ATP10B: variants seen among roughly 807,000 people sequenced by gnomAD.
ATP10B encodes the protein phospholipid-transporting ATPase VB.
A neutral mutation model predicts 141.2 loss-of-function variants in ATP10B; 122 were observed. The ratio of observed to expected loss-of-function variants is 0.86; its 90% CI spans 0.75 to 1.00. The LOEUF (loss-of-function observed/expected upper bound fraction) is 1.00. Ranked by LOEUF, ATP10B falls within the 50% of genes least tolerant of loss-of-function variation. The pLI is 0.00. For synonymous variants in ATP10B, 685 were observed against 692.0 expected (o/e 0.99, Z 0.16); for missense variants, 1,876 against 1,825.3 (o/e 1.03, Z -0.51).
At chr5:160,752,440 T>A (rs1408441997) in intron 2 of ATP10B, among the ~76,000 whole-genome samples, 1 of 152,154 alleles carries the variant, frequency 6.6e-6, no homozygotes, top group Non-Finnish European at 1.5e-5. Flanking sequence ...CTCTCAAAGA[T>A]TTGCCTTTCA....
At chr5:160,693,683 G>A (rs962852695) in intron 3 of ATP10B, among the ~76,000 whole-genome samples, 1 of 152,158 alleles carries the variant, frequency 6.6e-6, no homozygotes, top group Non-Finnish European at 1.5e-5. Flanking sequence ...ATGGACAGTG[G>A]TTGGGGGATA....
intron 24 of ATP10B, among the ~76,000 whole-genome samples, chr5:160,574,507 C>G (rs1219825108): frequency 3.3e-5 from 5 of 151,964 alleles, no homozygotes; most frequent in Non-Finnish European, 4.4e-5. Context: ...CTGCCCATGC[C>G]CATTTTGATA....
At chr5:160,643,619 T>A (rs1760045080) in intron 9 of ATP10B, among the ~76,000 whole-genome samples, 2 of 152,136 alleles carry the variant, frequency 1.3e-5, no homozygotes, top group Non-Finnish European at 1.5e-5. Flanking sequence ...ATAAAATAAA[T>A]AAAGGTAATA....
At chr5:160,858,886 A>G in the ATP10B span, among the ~76,000 whole-genome samples, 12 of 152,054 alleles carry the variant, frequency 7.9e-5, no homozygotes, top group Middle Eastern at 6.8e-3. Context: ...ATTTTCATAA[A>G]TATGTCCTCT....
At chr5:160,727,236 G>A (rs1429727245) in intron 2 of ATP10B, among the ~76,000 whole-genome samples, 1 of 152,138 alleles carries the variant, frequency 6.6e-6, no homozygotes, top group African/African-American at 2.4e-5. Context: ...AAGCATGAAC[G>A]CCGATCCCTA....
At chr5:160,818,691 C>G (rs1773872864) in intron 1 of ATP10B, among the ~76,000 whole-genome samples, 1 of 152,192 alleles carries the variant, frequency 6.6e-6, no homozygotes, top group African/African-American at 2.4e-5. Flanking sequence ...TATAAAGACA[C>G]ATACACAAAT....
At chr5:160,605,718 A>G (rs1757346041) in intron 19 of ATP10B, among the ~76,000 whole-genome samples, 1 of 152,216 alleles carries the variant, frequency 6.6e-6, no homozygotes, top group Non-Finnish European at 1.5e-5. Context: ...ATCTTATCCC[A>G]TGCCTGTGTA....
chr5:160,910,838 CCCA>C, the ATP10B span, among the ~76,000 whole-genome samples: 1 of 152,032 alleles, frequency 6.6e-6, no homozygotes, highest in Non-Finnish European at 1.5e-5. Context: ...TTTGTATGGC[CCCA>C]CCAAGTTTCA....
intron 24 of ATP10B, among the ~76,000 whole-genome samples, chr5:160,583,334 GC>G (rs1253271694): frequency 6.6e-6 from 1 of 152,054 alleles, no homozygotes; most frequent in Non-Finnish European, 1.5e-5. Flanking sequence ...TAACAGTCAG[GC>G]CTGTCTGCTG....
At chr5:160,811,826 G>C (rs544329859) in intron 1 of ATP10B, among the ~76,000 whole-genome samples, 1 of 152,110 alleles carries the variant, frequency 6.6e-6, no homozygotes, top group Admixed American at 6.5e-5. Context: ...GCTGATTTTA[G>C]AGCTCCAGGG....
intron 6 of ATP10B, among the ~76,000 whole-genome samples, chr5:160,681,639 A>G (rs763060389): frequency 2.6e-5 from 4 of 152,176 alleles, no homozygotes; most frequent in Non-Finnish European, 4.4e-5. Context: ...AGCATCAACA[A>G]AAAAAGAAAC....
chr5:160,912,414 C>CAA, the ATP10B span, among the ~76,000 whole-genome samples: 2,680 of 88,630 alleles, frequency 0.03, 105 homozygotes, highest in Middle Eastern at 0.056. Context: ...CTGTTTCTAC[C>CAA]AAAAAAAAAA....
At chr5:160,763,446 C>A (rs1182009142) in intron 2 of ATP10B, among the ~76,000 whole-genome samples, 1 of 152,130 alleles carries the variant, frequency 6.6e-6, no homozygotes, top group Non-Finnish European at 1.5e-5. Context: ...AATTAACAAT[C>A]TGCTCCTGAA....
chr5:160,748,708 T>C (rs1767965060), intron 2 of ATP10B, among the ~76,000 whole-genome samples: 1 of 152,214 alleles, frequency 6.6e-6, no homozygotes, highest in African/African-American at 2.4e-5. Flanking sequence ...TCCAATCCTC[T>C]GTGATGTTAA....
intron 2 of ATP10B, among the ~76,000 whole-genome samples, chr5:160,732,262 GAATGGAAA>G (rs1766799727): frequency 6.6e-6 from 1 of 152,212 alleles, no homozygotes; most frequent in South Asian, 2.1e-4. Flanking sequence ...TTTAACAGGA[GAATGGAAA>G]TGACAGAGGA....
At chr5:160,896,900 A>G in the ATP10B span, among the ~76,000 whole-genome samples, 13 of 152,200 alleles carry the variant, frequency 8.5e-5, no homozygotes, top group Non-Finnish European at 1.9e-4. Context: ...ACACAAATCA[A>G]TAAATGTAAT....
intron 1 of ATP10B, among the ~76,000 whole-genome samples, chr5:160,790,034 C>T (rs1427673185): frequency 6.6e-6 from 1 of 152,118 alleles, no homozygotes; most frequent in East Asian, 1.9e-4. Context: ...AAGCGCTTCC[C>T]TCCTCTACAG....
chr5:160,584,911 T>C (rs1404860815), intron 24 of ATP10B, among the ~76,000 whole-genome samples: 2 of 152,236 alleles, frequency 1.3e-5, no homozygotes, highest in African/African-American at 4.8e-5. Context: ...GCTTTTATTG[T>C]TTGGTCACCA....
chr5:160,874,267 A>AG, the ATP10B span, among the ~76,000 whole-genome samples: 114,050 of 151,424 alleles, frequency 0.75, 44,007 homozygotes, highest in East Asian at 0.98. Context: ...ACCCCCCAGG[A>AG]GGGTACACTG....
Sources: allele counts gnomAD v4.1 joint callset (sites outside exome capture counted in the v4.1 genomes callset), GRCh38; gene constraint gnomAD v4.1.1; transcripts MANE v1.5; gene names NCBI Gene and HGNC (gene_info 2026-07-23, HGNC 2026-07-21).